GRAMD2A: variants seen among roughly 807,000 people sequenced by gnomAD.
The protein encoded by GRAMD2A is GRAM domain containing 2A.
In GRAMD2A, 37 loss-of-function variants were observed where a neutral mutation model predicts 51.1. The observed-to-expected ratio is 0.72, with a 90% CI of 0.56 to 0.95. The LOEUF (loss-of-function observed/expected upper bound fraction) is 0.95, where lower values mean the gene tolerates loss of function less well. GRAMD2A is among the 40% of genes least tolerant of loss of function. The pLI, the probability that GRAMD2A is intolerant of heterozygous loss-of-function variation, is 0.00. For synonymous variants in GRAMD2A, 136 were observed against 157.1 expected, an observed-to-expected ratio of 0.87 and a Z score of 1.01; for missense variants, 414 against 426.9, an observed-to-expected ratio of 0.97 and a Z score of 0.27.
Position 72,159,929 on chromosome 15 carries a change from G to T in GRAMD2A, c.*2080C>A, listed in dbSNP as rs1357684507. 1 of 152,186 alleles carries T rather than the reference G, an allele frequency of 6.6e-6. No homozygotes were observed. Among genetic ancestry groups the T allele is most frequent in the Non-Finnish European group, 1.5e-5 (1 of 68,056 alleles). The allele number at this position is 152,186 out of a possible 1,614,324, so 9.4% of individuals were successfully genotyped here. ...GAGGAGCATCAGCCAATGCAAGCAGGTCTATATAAAATACACATCATTTAT... is the reference window on the plus strand; with the variant it reads ...GAGGAGCATCAGCCAATGCAAGCAGTTCTATATAAAATACACATCATTTAT... On this transcript the variant is annotated 3_prime_UTR_variant, in exon 12 of 12. Coordinates refer to ENST00000309731, the MANE Select transcript of GRAMD2A (RefSeq NM_001012642.3).
chr15:72,170,364 G>T lies in GRAMD2A; in HGVS notation c.42-425C>A, dbSNP rs538381214. The T allele has an allele frequency of 4.6e-5, 21 of 457,304 alleles. No individual in the cohort carries two copies. The highest frequency in any genetic ancestry group is 7.0e-5 in the Admixed American group (3 of 42,608). 28.3% of individuals were successfully genotyped at this position (457,304 alleles called of 1,614,324 possible). ...CGCGCAGCATGACTGTAAACCATCA[G>T]GTTCCGGGAAAGTAGGCTGAGCACA... On this transcript the variant is annotated intron_variant, in intron 1 of 11. Coordinates refer to ENST00000309731, the MANE Select transcript of GRAMD2A (RefSeq NM_001012642.3). This position sits in a 1 kb window ranked among gnomAD's most constrained non-coding sequence, Gnocchi z 4.5.
chr15:72,184,116 G>T (rs1372930683), intron 1 of GRAMD2A, among the ~76,000 whole-genome samples: 5 of 152,258 alleles, frequency 3.3e-5, no homozygotes. Flanking sequence ...CCCCGAGGGG[G>T]TTGTTTGCAG....
chr15:72,165,329 C>A, intron 8 of GRAMD2A, 25 bp downstream of exon 8: 1 of 1,612,308 alleles, frequency 6.2e-7, no homozygotes. Context: ...GTCCAGCAGT[C>A]TTTGCTCCCA....
intron 1 of GRAMD2A, among the ~76,000 whole-genome samples, chr15:72,193,941 G>A (rs953702270): frequency 2.6e-5 from 4 of 152,184 alleles, no homozygotes; most frequent in South Asian, 2.1e-4. Flanking sequence ...AATCTGTGCC[G>A]GAGCACGCAG....
At chr15:72,192,837 T>TC (rs1383797006) in intron 1 of GRAMD2A, among the ~76,000 whole-genome samples, 1 of 152,182 alleles carries the variant, frequency 6.6e-6, no homozygotes, top group Non-Finnish European at 1.5e-5. Flanking sequence ...AAAGATTGGT[T>TC]CAGTCGGCCA....
chr15:72,177,142 A>G (rs1009959321), intron 1 of GRAMD2A, among the ~76,000 whole-genome samples: 3 of 151,586 alleles, frequency 2.0e-5, no homozygotes, highest in African/African-American at 4.9e-5. Flanking sequence ...GATTACAGGC[A>G]TGAGCCACTG....
Position 72,163,248 on chromosome 15 carries a change from C to G in GRAMD2A, c.956+18G>C. ...ACATGCAGGTGGGTCTGTCCCCCTC[C>G]CCAGTATAGTCACTTACAGCACAAA... On this transcript the variant is annotated intron_variant, in intron 10 of 11. Coordinates refer to ENST00000309731, the MANE Select transcript of GRAMD2A (RefSeq NM_001012642.3). 1 of 1,591,102 alleles carries G rather than the reference C, an allele frequency of 6.3e-7. No homozygotes were observed. Among genetic ancestry groups the G allele is most frequent in the Non-Finnish European group, 8.6e-7 (1 of 1,159,098 alleles).
intron 1 of GRAMD2A, among the ~76,000 whole-genome samples, chr15:72,177,577 C>CT (rs2081663421): frequency 6.6e-6 from 1 of 152,242 alleles, no homozygotes; most frequent in Non-Finnish European, 1.5e-5. Flanking sequence ...ATTCGTTTTA[C>CT]TACTGATGGA....
At position 72,166,926 on chromosome 15, in the gene GRAMD2A, G is replaced by A. The variant is rs2081552234; in HGVS notation, c.471+68C>T. The A allele has an allele frequency of 3.0e-5, 39 of 1,280,752 alleles. No homozygotes were observed. The East Asian group carries it at 8.8e-4, about 29-fold the overall frequency. The allele number at this position is 1,280,752 out of a possible 1,614,324, so 79.3% of individuals were successfully genotyped here. A position where few individuals can be genotyped will look rare whatever the true frequency, so the allele number is the denominator to read the frequency against. On this transcript the variant is annotated intron_variant, in intron 6 of 11. Coordinates refer to ENST00000309731, the MANE Select transcript of GRAMD2A (RefSeq NM_001012642.3). This position sits in a 1 kb window ranked among gnomAD's most constrained non-coding sequence, Gnocchi z 4.1. ...AATAAAGACCTGGGAATGTGCCCGA[G>A]TCAGACTGTGGGCTGTCAGGGCTGG...
intron 1 of GRAMD2A, among the ~76,000 whole-genome samples, chr15:72,171,152 TAGAG>T (rs1331829271): frequency 6.6e-6 from 1 of 152,134 alleles, no homozygotes; most frequent in Non-Finnish European, 1.5e-5. Context: ...TCCTCAACCT[TAGAG>T]AGGATTTTGC....
At chr15:72,186,489 T>C (rs1292568088) in intron 1 of GRAMD2A, among the ~76,000 whole-genome samples, 1 of 152,088 alleles carries the variant, frequency 6.6e-6, no homozygotes, top group Non-Finnish European at 1.5e-5. Context: ...CACGCCCGGA[T>C]AATTTTTGTA....
At chr15:72,171,164 T>C (rs1025656826) in intron 1 of GRAMD2A, among the ~76,000 whole-genome samples, 2 of 152,222 alleles carry the variant, frequency 1.3e-5, no homozygotes, top group African/African-American at 4.8e-5. Flanking sequence ...GAGAGGATTT[T>C]GCCACACATA....
intron 1 of GRAMD2A, among the ~76,000 whole-genome samples, chr15:72,175,404 A>G (rs931137102): frequency 6.6e-6 from 1 of 152,026 alleles, no homozygotes; most frequent in Non-Finnish European, 1.5e-5. Context: ...ACTTCCCGTC[A>G]CTTCTTCAGC....
In GRAMD2A at chr15:72,166,797, G is replaced by C. The variant is rs1235025882; in HGVS notation, c.472-94C>G. 5.3e-6 allele frequency: 6 copies of C among 1,137,298 alleles called. No homozygotes were observed. The highest frequency in any genetic ancestry group is 1.5e-5 in the African/African-American group (1 of 65,654). 70.5% of individuals were successfully genotyped at this position (1,137,298 alleles called of 1,614,324 possible). On this transcript the variant is annotated intron_variant, in intron 6 of 11. Coordinates refer to ENST00000309731, the MANE Select transcript of GRAMD2A (RefSeq NM_001012642.3). This position sits in a 1 kb window ranked among gnomAD's most constrained non-coding sequence, Gnocchi z 4.1. ...CTTGTGGATTGGGCACAGGCCCACA[G>C]GGGTATCAGGCCATGAGAGCCAACA...
At chr15:72,162,826 A>G (rs748409542) in intron 10 of GRAMD2A, 3 of 207,468 alleles carry the variant, frequency 1.4e-5, no homozygotes, top group Non-Finnish European at 2.9e-5. Context: ...GAGGGAAAGC[A>G]GGGGCTGGCT....
intron 8 of GRAMD2A, among the ~76,000 whole-genome samples, chr15:72,165,004 T>C (rs1207481629): frequency 1.3e-5 from 2 of 152,214 alleles, no homozygotes; most frequent in African/African-American, 4.8e-5. Context: ...CTGAGTGTGA[T>C]GGCAAGTGCC....
At chr15:72,186,347 C>CA (rs746050563) in intron 1 of GRAMD2A, among the ~76,000 whole-genome samples, 18 of 149,024 alleles carry the variant, frequency 1.2e-4, no homozygotes, top group Non-Finnish European at 2.7e-4. Flanking sequence ...TTTTTTGAGA[C>CA]AGAGTCTCGC....
At chr15:72,171,213 T>C (rs1437414862) in intron 1 of GRAMD2A, among the ~76,000 whole-genome samples, 2 of 152,192 alleles carry the variant, frequency 1.3e-5, no homozygotes, top group Non-Finnish European at 2.9e-5. Flanking sequence ...AGTGACAGAT[T>C]TTGCTAGAGA....
At position 72,166,723 on chromosome 15, in the gene GRAMD2A, C is replaced by A; in HGVS notation, c.472-20G>T. 1 of 1,602,744 alleles carries A rather than the reference C, an allele frequency of 6.2e-7. No homozygotes were observed. Among genetic ancestry groups the A allele is most frequent in the Non-Finnish European group, 8.5e-7 (1 of 1,171,298 alleles). On this transcript the variant is annotated intron_variant, in intron 6 of 11. Coordinates refer to ENST00000309731, the MANE Select transcript of GRAMD2A (RefSeq NM_001012642.3). The surrounding 1 kb of genome is among the most constrained non-coding windows in gnomAD (Gnocchi z 4.1). ...GATATACTGGGACATGGAAAGAAAA[C>A]AGACAGGGGTAGGGTGAGATGAGAC... is the stretch of plus-strand genomic sequence containing the variant.
Sources: gnomAD v4.1 joint callset for allele counts (sites outside exome capture counted in the v4.1 genomes callset) on GRCh38, gnomAD v4.1.1 for gene constraint, Gnocchi (gnomAD v3.1) non-coding constraint, MANE v1.5 for transcripts, NCBI Gene and HGNC (gene_info 2026-07-23, HGNC 2026-07-21) for gene names.